MTPAP: variants seen among roughly 807,000 people sequenced by gnomAD.
The protein encoded by MTPAP is poly(A) RNA polymerase, mitochondrial.
In MTPAP, 23 loss-of-function variants were observed where a neutral mutation model predicts 48.7. The observed-to-expected ratio is 0.47, with a 90% CI of 0.34 to 0.67. The LOEUF is 0.67. MTPAP is among the 30% of genes least tolerant of loss of function. MTPAP has a pLI of 0.01. For synonymous variants in MTPAP, 257 were observed against 254.1 expected, an observed-to-expected ratio of 1.01 and a Z score of -0.11; for missense variants, 614 against 694.3, an observed-to-expected ratio of 0.88 and a Z score of 1.30.
rs148152142 is a variant in MTPAP at position 30,313,626 on chromosome 10, T to C, written c.1732A>G (p.Ile578Val). 1.7e-5 allele frequency: 28 copies of C among 1,614,098 alleles called. No individual in the cohort carries two copies. Among genetic ancestry groups the C allele is most frequent in the Non-Finnish European group, 2.3e-5 (27 of 1,180,024 alleles). ...AGCAGCCATCATGTCTGAGTACTAA[T>C]TGTTCTCTTCCCACTGGTTTTTGTG... Reference protein sequence around the residue: ...NFTKTSGKRTISTQT With the variant: ...NFTKTSGKRTVSTQT Residue 578 changes from isoleucine (I) to valine (V), a missense_variant, in exon 9 of 9, where the codon ATT becomes GTT. Ile to Val is a conservative substitution (Grantham distance 29). Transcript: ENST00000263063.
rs781055679 is a variant in MTPAP at position 30,313,805 on chromosome 10, G to A, written c.1553C>T (p.Ser518Phe). The A allele has an allele frequency of 1.9e-6, 3 of 1,614,188 alleles. No individual in the cohort carries two copies. The highest frequency in any genetic ancestry group is 1.7e-6 in the Non-Finnish European group (2 of 1,180,016). Residue 518 changes from serine (S) to phenylalanine (F), a missense_variant, in exon 9 of 9, where the codon TCC (serine) becomes TTC (phenylalanine). Ser to Phe is a radical substitution (Grantham distance 155, BLOSUM62 -2). This residue lies in a region of MTPAP where 109 missense variants were observed against 100.5 expected (regional missense o/e 1.08). Coordinates refer to ENST00000263063, the MANE Select transcript of MTPAP (RefSeq NM_018109.4). ...ILQQEDTDRP[S>F]ISSNRPWGLV... Reference sequence around the variant, plus strand: ...CCCCCAGGGCCGATTACTTGATATGGAAGGTCGATCTGTATCTTCCTGTTG... The same window carrying A: ...CCCCCAGGGCCGATTACTTGATATGAAAGGTCGATCTGTATCTTCCTGTTG...
chr10:30,316,275 C>G (rs1365901873), intron 6 of MTPAP, 65 bp from the exon 7 acceptor site: 3 of 1,207,606 alleles, frequency 2.5e-6, no homozygotes, highest in East Asian at 2.4e-5. Flanking sequence ...TGGAGTCTCA[C>G]TCTGTCATCC....
In MTPAP at chr10:30,311,088, A is replaced by G. The variant is rs981122449; in HGVS notation, c.*2521T>C. On this transcript the variant is annotated 3_prime_UTR_variant, in exon 9 of 9. Transcript: ENST00000263063. Reference sequence around the variant, plus strand: ...ATTACACCTAGCACCAACCTAAAAAAGAAAATATCTGACTAAATATCTGTG... The same window carrying G: ...ATTACACCTAGCACCAACCTAAAAAGGAAAATATCTGACTAAATATCTGTG... The G allele has an allele frequency of 1.3e-5, 2 of 152,216 alleles. No homozygotes were observed. Among genetic ancestry groups the G allele is most frequent in the Non-Finnish European group, 2.9e-5 (2 of 68,042 alleles). 9.4% of individuals were successfully genotyped at this position (152,216 alleles called of 1,614,324 possible). A position where few individuals can be genotyped will look rare whatever the true frequency, so the allele number is the denominator to read the frequency against.
chr10:30,320,503 C>T (rs1435695173), intron 6 of MTPAP, among the ~76,000 whole-genome samples: 1 of 152,010 alleles, frequency 6.6e-6, no homozygotes, highest in Non-Finnish European at 1.5e-5. Context: ...GACTGGGCAA[C>T]AGAGCAAGAC....
intron 1 of MTPAP, among the ~76,000 whole-genome samples, chr10:30,346,531 A>G (rs1834875439): frequency 6.6e-6 from 1 of 152,214 alleles, no homozygotes; most frequent in South Asian, 2.1e-4. Context: ...GCACTGTCAC[A>G]TACACACTCT....
At chr10:30,332,645 T>C (rs1329540863) in intron 4 of MTPAP, among the ~76,000 whole-genome samples, 2 of 152,138 alleles carry the variant, frequency 1.3e-5, no homozygotes, top group Admixed American at 1.3e-4. Flanking sequence ...AAAACATCTT[T>C]TTCTAAATAC....
chr10:30,313,461 G>A lies in MTPAP; in HGVS notation c.*148C>T. The stretch of plus-strand genomic sequence containing the variant: ...AAACTGAAAACATCCCAGAACTTCA[G>A]ACCAGGTTAAGGGGGCCAATGAGAA... On this transcript the variant is annotated 3_prime_UTR_variant, in exon 9 of 9. Transcript: ENST00000263063. 9.0e-7 allele frequency: 1 copy of A among 1,109,262 alleles called. No homozygotes were observed. The highest frequency in any genetic ancestry group is 1.3e-6 in the Non-Finnish European group (1 of 750,052). The allele number at this position is 1,109,262 out of a possible 1,614,324, so 68.7% of individuals were successfully genotyped here.
chr10:30,349,083 G>C, intron 1 of MTPAP, 36 bp downstream of exon 1: 1 of 1,613,620 alleles, frequency 6.2e-7, no homozygotes. Context: ...CTCGCCCGCT[G>C]TGGGACGGAA....
chr10:30,338,176 C>A (rs1834751087), intron 3 of MTPAP, among the ~76,000 whole-genome samples: 1 of 152,042 alleles, frequency 6.6e-6, no homozygotes, highest in African/African-American at 2.4e-5. Context: ...AGGTGGGTCA[C>A]TTGAGTCCAG....
chr10:30,320,451 G>A (rs529605482), intron 6 of MTPAP, among the ~76,000 whole-genome samples: 19 of 152,256 alleles, frequency 1.2e-4, no homozygotes, highest in African/African-American at 4.3e-4. Flanking sequence ...GAGCCCGGGA[G>A]GTCGAGGCTA....
chr10:30,341,863 C>G (rs1263547155), intron 1 of MTPAP, among the ~76,000 whole-genome samples: 3 of 152,130 alleles, frequency 2.0e-5, no homozygotes, highest in Admixed American at 6.5e-5. Flanking sequence ...CAGATATTAC[C>G]AAGCCCTATA....
At position 30,313,872 on chromosome 10, in the gene MTPAP, G is replaced by C; in HGVS notation, c.1486C>G (p.Gln496Glu). The C allele has an allele frequency of 6.2e-7, 1 of 1,614,112 alleles. No homozygotes were observed. The highest frequency in any genetic ancestry group is 1.1e-5 in the South Asian group (1 of 91,084). Residue 496 changes from glutamine (Q) to glutamate (E), a missense_variant, in exon 9 of 9, where the codon CAA becomes GAA. Gln to Glu is a conservative substitution (Grantham distance 29). Coordinates refer to ENST00000263063, the MANE Select transcript of MTPAP (RefSeq NM_018109.4). ...ISKNVSQSQL[Q>E]KFVDLARESA... ...TCTCGGGCCAAATCTACAAATTTTTGCAGCTGGCTTTGACTTACATTTTTG... is the reference window on the plus strand; with the variant it reads ...TCTCGGGCCAAATCTACAAATTTTTCCAGCTGGCTTTGACTTACATTTTTG...
chr10:30,319,896 T>TCA (rs1378241987), intron 6 of MTPAP, among the ~76,000 whole-genome samples: 2 of 152,162 alleles, frequency 1.3e-5, no homozygotes, highest in African/African-American at 2.4e-5. Context: ...TCAAGTGAAA[T>TCA]ATTAAAGAAT....
chr10:30,315,467 G>C (rs1375247966), intron 8 of MTPAP, among the ~76,000 whole-genome samples: 1 of 142,882 alleles, frequency 7.0e-6, no homozygotes, highest in Non-Finnish European at 1.5e-5. Flanking sequence ...TTTCATCCCA[G>C]CTGCTCAGAA....
chr10:30,314,433 G>T (rs1461835170), intron 8 of MTPAP, among the ~76,000 whole-genome samples: 1 of 151,984 alleles, frequency 6.6e-6, no homozygotes, highest in Non-Finnish European at 1.5e-5. Flanking sequence ...CACAAAATTA[G>T]AACCCTTAAA....
Position 30,316,174 on chromosome 10 carries a change from C to A in MTPAP, c.1256G>T (p.Cys419Phe). 1 of 1,613,810 alleles carries A rather than the reference C, an allele frequency of 6.2e-7. No individual in the cohort carries two copies. The highest frequency in any genetic ancestry group is 2.2e-5 in the East Asian group (1 of 44,870). Reference protein sequence around the residue: ...EDKCVIEGNNCTFVRDLSRIK... With the variant: ...EDKCVIEGNNFTFVRDLSRIK... ...TCTACTCAAGTCACGAACAAATGTG[C>A]AGTTGTTGCCTTCTATTACACATTT... The change falls in exon 7 of 9, where the codon TGC becomes TTC. Residue 419 changes from cysteine (C) to phenylalanine (F), a missense_variant. Cys to Phe is a radical substitution (Grantham distance 205). Transcript: ENST00000263063.
chr10:30,313,606 C>A lies in MTPAP; in HGVS notation c.*3G>T. On this transcript the variant is annotated 3_prime_UTR_variant, in exon 9 of 9. Coordinates refer to ENST00000263063, the MANE Select transcript of MTPAP (RefSeq NM_018109.4). ...CCCAGTTCTTTACACAATGTAGCAG[C>A]CATCATGTCTGAGTACTAATTGTTC... The A allele has an allele frequency of 6.2e-7, 1 of 1,614,148 alleles. No homozygotes were observed. The highest frequency in any genetic ancestry group is 8.5e-7 in the Non-Finnish European group (1 of 1,180,016).
chr10:30,321,438 G>A (rs1377012071), intron 6 of MTPAP, among the ~76,000 whole-genome samples: 1 of 152,068 alleles, frequency 6.6e-6, no homozygotes, highest in Non-Finnish European at 1.5e-5. Context: ...CTTCTAATAT[G>A]GATAAAGGAA....
At chr10:30,346,050 A>AG in intron 1 of MTPAP, among the ~76,000 whole-genome samples, 1 of 152,154 alleles carries the variant, frequency 6.6e-6, no homozygotes, top group East Asian at 1.9e-4. Context: ...AAAGAAAAAA[A>AG]AAAAAAAAAA....
Sources: gnomAD v4.1 joint callset for allele counts (sites outside exome capture counted in the v4.1 genomes callset) on GRCh38, gnomAD v4.1.1 for gene constraint, gnomAD v4.1.1 regional missense constraint, MANE v1.5 for transcripts, NCBI Gene and HGNC (gene_info 2026-07-23, HGNC 2026-07-21) for gene names.